AKAP19: variants seen among roughly 807,000 people sequenced by gnomAD.
AKAP19 encodes the protein A-kinase anchoring protein 19.
At chr2:190,036,897 A>G in the AKAP19 span, among the ~76,000 whole-genome samples, 1 of 152,222 alleles carries the variant, frequency 6.6e-6, no homozygotes, top group Non-Finnish European at 1.5e-5. Flanking sequence ...CTAATCTGTG[A>G]TGTAAATACA....
the AKAP19 span, among the ~76,000 whole-genome samples, chr2:190,190,980 T>C: frequency 3.3e-5 from 5 of 152,110 alleles, no homozygotes; most frequent in African/African-American, 1.2e-4. Flanking sequence ...TCTGTCCCTA[T>C]AGTTTTGCCT....
At chr2:190,125,385 A>G in the AKAP19 span, among the ~76,000 whole-genome samples, 1 of 152,194 alleles carries the variant, frequency 6.6e-6, no homozygotes, top group Non-Finnish European at 1.5e-5. Context: ...GAACGCTGAT[A>G]CAGATGCCCT....
the AKAP19 span, among the ~76,000 whole-genome samples, chr2:190,136,574 C>T: frequency 6.6e-6 from 1 of 152,148 alleles, no homozygotes; most frequent in Non-Finnish European, 1.5e-5. Context: ...CTTCCTTGTA[C>T]CTACTCTTTG....
At chr2:190,099,306 A>C in the AKAP19 span, among the ~76,000 whole-genome samples, 1 of 152,168 alleles carries the variant, frequency 6.6e-6, no homozygotes. Context: ...CAGCCACTTA[A>C]AGACCATCGT....
At chr2:189,950,347 G>GTT in the AKAP19 span, among the ~76,000 whole-genome samples, 10 of 96,878 alleles carry the variant, frequency 1.0e-4, no homozygotes, top group Admixed American at 6.4e-4. Context: ...TTTTTTTTTT[G>GTT]TTTTTTTTTT....
chr2:190,033,997 G>A, the AKAP19 span, among the ~76,000 whole-genome samples: 1 of 152,106 alleles, frequency 6.6e-6, no homozygotes, highest in Non-Finnish European at 1.5e-5. Context: ...CTACTCAAAA[G>A]AGACATTATG....
At chr2:190,170,611 G>A in the AKAP19 span, among the ~76,000 whole-genome samples, 2 of 152,088 alleles carry the variant, frequency 1.3e-5, no homozygotes, top group African/African-American at 4.8e-5. Context: ...CCCAAAGATG[G>A]ACTATGTCAT....
At chr2:190,167,351 C>T in the AKAP19 span, among the ~76,000 whole-genome samples, 1 of 152,180 alleles carries the variant, frequency 6.6e-6, no homozygotes, top group Non-Finnish European at 1.5e-5. Flanking sequence ...GTCCCTCCCA[C>T]AACACGTGGG....
At chr2:190,105,087 C>T in the AKAP19 span, among the ~76,000 whole-genome samples, 1 of 152,040 alleles carries the variant, frequency 6.6e-6, no homozygotes. Context: ...GGAGATTTCT[C>T]AAAGAACTTA....
At chr2:190,186,892 T>C in the AKAP19 span, among the ~76,000 whole-genome samples, 43 of 152,178 alleles carry the variant, frequency 2.8e-4, no homozygotes, top group Admixed American at 1.5e-3. The surrounding 1 kb of genome is among the most constrained non-coding windows in gnomAD (Gnocchi z 5.5). Context: ...CAGGCTGGAG[T>C]GCAGTGGCGT....
At chr2:190,163,606 C>G in the AKAP19 span, among the ~76,000 whole-genome samples, 5 of 152,220 alleles carry the variant, frequency 3.3e-5, no homozygotes, top group South Asian at 1.0e-3. Flanking sequence ...ACCAGGCACT[C>G]AACTAGGAAT....
chr2:190,066,727 A>AGACC, the AKAP19 span, among the ~76,000 whole-genome samples: 1 of 152,218 alleles, frequency 6.6e-6, no homozygotes, highest in African/African-American at 2.4e-5. Context: ...AGAAGGCAGG[A>AGACC]GACCCAAAAT....
the AKAP19 span, chr2:190,055,942 G>C: frequency 1.3e-5 from 2 of 152,340 alleles, no homozygotes. Context: ...CAATTATTTT[G>C]GTATACTTAG....
At chr2:189,893,770 T>C in the AKAP19 span, among the ~76,000 whole-genome samples, 1 of 151,986 alleles carries the variant, frequency 6.6e-6, no homozygotes, top group Non-Finnish European at 1.5e-5. Flanking sequence ...TCAAAACATT[T>C]GGGGAAAAAA....
the AKAP19 span, among the ~76,000 whole-genome samples, chr2:189,962,232 C>T: frequency 6.6e-6 from 1 of 152,148 alleles, no homozygotes; most frequent in African/African-American, 2.4e-5. Context: ...CAGTAACACA[C>T]TGCACAGGTT....
At chr2:189,886,159 G>A in the AKAP19 span, among the ~76,000 whole-genome samples, 3 of 152,148 alleles carry the variant, frequency 2.0e-5, no homozygotes, top group African/African-American at 7.2e-5. Flanking sequence ...TGATGCCTTG[G>A]AGATTGGGGA....
chr2:189,984,658 T>A, the AKAP19 span, among the ~76,000 whole-genome samples: 1 of 152,180 alleles, frequency 6.6e-6, no homozygotes, highest in African/African-American at 2.4e-5. Context: ...ATTGGGGAAG[T>A]GATAAGTGTC....
At chr2:190,100,400 C>T in the AKAP19 span, among the ~76,000 whole-genome samples, 8 of 152,284 alleles carry the variant, frequency 5.3e-5, no homozygotes, top group Non-Finnish European at 1.0e-4. Context: ...AGACCTGCTC[C>T]TTCTGTAAGG....
At chr2:189,892,664 T>A in the AKAP19 span, among the ~76,000 whole-genome samples, 148 of 152,316 alleles carry the variant, frequency 9.7e-4, no homozygotes, top group African/African-American at 3.4e-3. Flanking sequence ...ATGAGGTGTC[T>A]ATCAACCCCT....
Sources: gnomAD v4.1 joint callset for allele counts (sites outside exome capture counted in the v4.1 genomes callset) on GRCh38, gnomAD v4.1.1 for gene constraint, Gnocchi (gnomAD v3.1) non-coding constraint, MANE v1.5 for transcripts, NCBI Gene and HGNC (gene_info 2026-07-23, HGNC 2026-07-21) for gene names.